The following TTBK2 variants were observed in gnomAD, a reference collection of about 807,000 sequenced individuals.
TTBK2 encodes tau tubulin kinase 2, also known as tau-tubulin kinase 2.
Under a neutral mutation model 110.8 loss-of-function variants are expected in TTBK2, and 28 were observed. That is an observed-to-expected ratio of 0.25 (90% CI 0.19 to 0.35). The LOEUF (loss-of-function observed/expected upper bound fraction) is 0.35. Ranked by LOEUF, TTBK2 falls within the 10% of genes least tolerant of loss-of-function variation. The pLI, the probability that TTBK2 is intolerant of heterozygous loss-of-function variation, is 1.00. For missense variants in TTBK2, 1,369 were observed against 1,500.3 expected (o/e 0.91, Z 1.45); for synonymous variants, 532 against 527.3 (o/e 1.01, Z -0.12).
At chr15:42,919,950 T>C (rs2031280542) in intron 1 of TTBK2, 1 of 317,916 alleles carries the variant, frequency 3.1e-6, no homozygotes, top group Non-Finnish European at 4.5e-6. Context: ...AGATCATTAC[T>C]TCAGCACCCT....
At chr15:42,794,873 C>T (rs759954514) in intron 9 of TTBK2, 72 bp from the exon 10 acceptor site, 1 of 1,578,452 alleles carries the variant, frequency 6.3e-7, no homozygotes, top group Non-Finnish European at 8.7e-7. Flanking sequence ...AGAGAAAGCA[C>T]ACCAGACTCA....
chr15:42,776,028 A>G (rs946287686), intron 12 of TTBK2, among the ~76,000 whole-genome samples: 2 of 152,178 alleles, frequency 1.3e-5, no homozygotes, highest in African/African-American at 4.8e-5. Context: ...TATGAGCCAC[A>G]ACTCAAAATG....
intron 14 of TTBK2, among the ~76,000 whole-genome samples, chr15:42,748,741 C>A (rs777176080): frequency 2.0e-5 from 3 of 152,144 alleles, no homozygotes; most frequent in African/African-American, 4.8e-5. Flanking sequence ...TGGTTTACCA[C>A]CTCCCAATAT....
rs549032382 is a variant in TTBK2 at position 42,817,104 on chromosome 15, C to T, written c.538-7G>A. ...AACCTGCCACAGCTCGAGGCTACAACGAAGCCATGCAAAGAATAATAAATG... is the reference window on the plus strand; with the variant it reads ...AACCTGCCACAGCTCGAGGCTACAATGAAGCCATGCAAAGAATAATAAATG... On this transcript the variant is annotated splice_polypyrimidine_tract_variant and splice_region_variant and intron_variant, in intron 6 of 14. Coordinates refer to ENST00000267890, the MANE Select transcript of TTBK2 (RefSeq NM_173500.4). 9 of 1,602,454 alleles carry T rather than the reference C, an allele frequency of 5.6e-6. No homozygotes were observed. The highest frequency in any genetic ancestry group is 3.4e-5 in the Admixed American group (2 of 59,584).
chr15:42,834,922 T>C (rs1892930489), intron 4 of TTBK2, among the ~76,000 whole-genome samples: 1 of 152,132 alleles, frequency 6.6e-6, no homozygotes, highest in Non-Finnish European at 1.5e-5. Context: ...ACATGTTAAA[T>C]CCATGAATTT....
At chr15:42,863,701 C>G (rs961242576) in intron 3 of TTBK2, among the ~76,000 whole-genome samples, 1 of 152,102 alleles carries the variant, frequency 6.6e-6, no homozygotes, top group African/African-American at 2.4e-5. Context: ...ACAATACAAA[C>G]AAAACAGCAT....
rs995209646 is a variant in TTBK2, at chr15:42,817,608, A to T, written c.538-511T>A. Among the ~76,000 whole-genome samples, 9 of 152,314 alleles carry T rather than the reference A, an allele frequency of 5.9e-5. No individual in the cohort carries two copies. The South Asian group carries it at 1.9e-3, about 32-fold the overall frequency. On this transcript the variant is annotated intron_variant, in intron 6 of 14. Coordinates refer to ENST00000267890, the MANE Select transcript of TTBK2 (RefSeq NM_173500.4). ...TATGCAATTCATGTATTAAAAATTC[A>T]AGTTATCGGATGCTTAGTATGTGCC...
intron 9 of TTBK2, chr15:42,800,827 T>A: frequency 1.8e-6 from 1 of 558,116 alleles, no homozygotes; most frequent in Non-Finnish European, 3.2e-6. Flanking sequence ...GGTCCCCAGG[T>A]AGTAAACTCC....
intron 6 of TTBK2, among the ~76,000 whole-genome samples, chr15:42,823,178 C>T (rs377581847): frequency 1.8e-4 from 28 of 152,094 alleles, no homozygotes; most frequent in East Asian, 7.7e-4. Context: ...AAGGGAGCAA[C>T]GAGAAAACAT....
intron 1 of TTBK2, among the ~76,000 whole-genome samples, chr15:42,892,473 G>A (rs1031144597): frequency 7.9e-5 from 12 of 151,924 alleles, no homozygotes; most frequent in Admixed American, 3.3e-4. Context: ...TTGGGAGGCC[G>A]AGGCAGGTGG....
intron 10 of TTBK2, among the ~76,000 whole-genome samples, chr15:42,790,710 T>C (rs892986616): frequency 1.3e-5 from 2 of 151,888 alleles, no homozygotes; most frequent in African/African-American, 4.8e-5. Flanking sequence ...TTTTTGTTTG[T>C]TTGTTTTGTG....
chr15:42,881,243 A>AGCCTGG (rs1895029815), intron 1 of TTBK2, among the ~76,000 whole-genome samples: 1 of 140,048 alleles, frequency 7.1e-6, no homozygotes, highest in African/African-American at 2.7e-5. Context: ...AGATTGTGCC[A>AGCCTGG]CTGCACTCCA....
At position 42,830,758 on chromosome 15, in the gene TTBK2, C is replaced by G. The variant is rs939182244; in HGVS notation, c.292-680G>C. Among the ~76,000 whole-genome samples, 8 of 152,008 alleles carry G rather than the reference C, an allele frequency of 5.3e-5. No individual in the cohort carries two copies. The South Asian group carries it at 8.3e-4, about 16-fold the overall frequency. ...CAGTGGCTCACGCCTGTAATCCCAGCACTTTGGCAGGCTGAGGTGGGCGGA... is the reference window on the plus strand; with the variant it reads ...CAGTGGCTCACGCCTGTAATCCCAGGACTTTGGCAGGCTGAGGTGGGCGGA... On this transcript the variant is annotated intron_variant, in intron 4 of 14. Coordinates refer to ENST00000267890, the MANE Select transcript of TTBK2 (RefSeq NM_173500.4).
rs1202638955 is a variant in TTBK2, at chr15:42,794,774, T to C, written c.850A>G (p.Ile284Val). Residue 284 changes from isoleucine (I) to valine (V), a missense_variant, in exon 10 of 15, where the codon ATC (isoleucine) becomes GTC (valine). Ile to Val is a conservative substitution (Grantham distance 29). Around this residue, in one of 4 missense-constraint regions of TTBK2, gnomAD observed 138 missense variants for 179.0 expected, o/e 0.77. Coordinates refer to ENST00000267890, the MANE Select transcript of TTBK2 (RefSeq NM_173500.4). Reference sequence around the variant, plus strand: ...CTCTCAATTACTCCAAAAGTCTTGATGCTATTGTCAAACACGGATGTAAGA... The same window carrying C: ...CTCTCAATTACTCCAAAAGTCTTGACGCTATTGTCAAACACGGATGTAAGA... ...QLLTSVFDNS[I>V]KTFGVIESDP... 1.2e-6 allele frequency: 2 copies of C among 1,614,030 alleles called. No individual in the cohort carries two copies. The highest frequency in any genetic ancestry group is 4.5e-5 in the East Asian group (2 of 44,886).
chr15:42,787,129 AT>A (rs577799685), intron 10 of TTBK2, among the ~76,000 whole-genome samples: 43 of 151,200 alleles, frequency 2.8e-4, no homozygotes, highest in African/African-American at 9.5e-4. Flanking sequence ...CTGCTTACCT[AT>A]TTTTTTTTAA....
Position 42,775,538 on chromosome 15 carries a change from C to T in TTBK2, c.1595G>A (p.Ser532Asn). 6.2e-7 allele frequency: 1 copy of T among 1,614,222 alleles called. No homozygotes were observed. Among genetic ancestry groups the T allele is most frequent in the Non-Finnish European group, 8.5e-7 (1 of 1,180,038 alleles). Residue 532 changes from serine to asparagine, a missense_variant, in exon 13 of 15, where the codon AGC (serine) becomes AAC (asparagine). Around this residue, in one of 4 missense-constraint regions of TTBK2, gnomAD observed 1,097 missense variants for 1,114.7 expected, o/e 0.98. Transcript: ENST00000267890. Reference protein sequence around the residue: ...NTPEQADGGGSNGFIAVNLSS... With the variant: ...NTPEQADGGGNNGFIAVNLSS... ...CAGGTTAACAGCTATAAATCCATTG[C>T]TGCCACCACCATCTGCCTGCTCAGG...
chr15:42,798,136 G>C (rs1456576907), intron 9 of TTBK2: 1 of 436,926 alleles, frequency 2.3e-6, no homozygotes, highest in Non-Finnish European at 4.6e-6. Flanking sequence ...CACCCACCTC[G>C]GCCTCCCTAA....
intron 6 of TTBK2, among the ~76,000 whole-genome samples, chr15:42,822,709 T>A (rs1374875542): frequency 6.6e-6 from 1 of 152,226 alleles, no homozygotes; most frequent in Non-Finnish European, 1.5e-5. Context: ...TCATAAAATA[T>A]TTTTAAGCTG....
chr15:42,870,879 C>T (rs1325917881), intron 3 of TTBK2, among the ~76,000 whole-genome samples: 3 of 151,646 alleles, frequency 2.0e-5, no homozygotes, highest in Non-Finnish European at 4.4e-5. Context: ...AAAAAAAATC[C>T]TTATCCCAGC....
Sources: gnomAD v4.1 joint callset for allele counts (sites outside exome capture counted in the v4.1 genomes callset) on GRCh38, gnomAD v4.1.1 for gene constraint, gnomAD v4.1.1 regional missense constraint, MANE v1.5 for transcripts, NCBI Gene and HGNC (gene_info 2026-07-23, HGNC 2026-07-21) for gene names.